FBXL7: variants seen among roughly 807,000 people sequenced by gnomAD.
The protein encoded by FBXL7 is F-box/LRR-repeat protein 7.
A neutral mutation model predicts 38.3 loss-of-function variants in FBXL7; 12 were observed. The ratio of observed to expected loss-of-function variants is 0.31; its 90% confidence interval spans 0.20 to 0.51. The LOEUF is 0.51. Ranked by LOEUF, FBXL7 falls within the 20% of genes least tolerant of loss-of-function variation. FBXL7 has a pLI of 0.98. For synonymous variants in FBXL7, 297 were observed against 300.9 expected (o/e 0.99, Z 0.13); for missense variants, 567 against 676.4 (o/e 0.84, Z 1.79).
At chr5:15,699,790 T>C (rs1421252911) in intron 2 of FBXL7, among the ~76,000 whole-genome samples, 5 of 152,204 alleles carry the variant, frequency 3.3e-5, no homozygotes, top group Non-Finnish European at 7.3e-5. Context: ...ATGTGTATTA[T>C]CCTTCGGTAG....
intron 2 of FBXL7, among the ~76,000 whole-genome samples, chr5:15,620,410 T>TG (rs1740595388): frequency 7.6e-6 from 1 of 131,094 alleles, no homozygotes; most frequent in African/African-American, 2.9e-5. Context: ...TTTTTTGTTT[T>TG]TTGTTTTTTT....
intron 1 of FBXL7, among the ~76,000 whole-genome samples, chr5:15,574,161 A>G (rs977025037): frequency 3.3e-5 from 5 of 152,222 alleles, no homozygotes; most frequent in Non-Finnish European, 7.3e-5. Flanking sequence ...ATCTGTAATA[A>G]TATATGTTTT....
At chr5:15,717,812 A>G (rs1268541122) in intron 2 of FBXL7, among the ~76,000 whole-genome samples, 3 of 152,196 alleles carry the variant, frequency 2.0e-5, no homozygotes, top group Admixed American at 1.3e-4. Flanking sequence ...GTCATGAAAG[A>G]TAGAAGAGCC....
rs573233964 is a variant in FBXL7 at position 15,565,347 on chromosome 5, A to G, written c.38-50636A>G. 1.2e-3 allele frequency among the ~76,000 whole-genome samples: 179 copies of G among 152,180 alleles called. 1 individual carries two copies. The highest frequency in any genetic ancestry group is 3.9e-3 in the African/African-American group (161 of 41,552). ...CATCCTCATTCAGCCAAACTAACTCATGGTTGGGTTCTAAGTATTTGTTAA... is the reference window on the plus strand; with the variant it reads ...CATCCTCATTCAGCCAAACTAACTCGTGGTTGGGTTCTAAGTATTTGTTAA... On this transcript the variant is annotated intron_variant, in intron 1 of 3. Transcript: ENST00000504595.
At chr5:15,812,460 C>G (rs550217393) in intron 2 of FBXL7, among the ~76,000 whole-genome samples, 4 of 151,956 alleles carry the variant, frequency 2.6e-5, no homozygotes, top group African/African-American at 9.7e-5. Context: ...ACCTATGAAA[C>G]GAACCTGCGC....
chr5:15,589,157 C>A (rs1002546477), intron 1 of FBXL7, among the ~76,000 whole-genome samples: 1 of 152,162 alleles, frequency 6.6e-6, no homozygotes, highest in African/African-American at 2.4e-5. Context: ...TATTAGTAAG[C>A]AAACCATTTG....
rs559569306 is a variant in FBXL7, at chr5:15,639,883, C to T, written c.127+23811C>T. ...ACAGACAATGCTGGGTTGCTGAGTT[C>T]TATTGTTCTTGCTTCCTTGGCCAGC... On this transcript the variant is annotated intron_variant, in intron 2 of 3. Transcript: ENST00000504595. 8.5e-5 allele frequency among the ~76,000 whole-genome samples: 13 copies of T among 152,228 alleles called. No homozygotes were observed. In the East Asian group the frequency reaches 1.4e-3, roughly 16 times the overall value.
At chr5:15,830,310 C>G (rs1224321533) in intron 2 of FBXL7, among the ~76,000 whole-genome samples, 2 of 151,992 alleles carry the variant, frequency 1.3e-5, no homozygotes, top group African/African-American at 4.8e-5. Context: ...ATGGTAAAAC[C>G]CCATCTCTAC....
intron 2 of FBXL7, among the ~76,000 whole-genome samples, chr5:15,821,491 G>T (rs923845961): frequency 6.6e-5 from 10 of 152,182 alleles, no homozygotes; most frequent in African/African-American, 2.4e-4. Flanking sequence ...GCTGCTGAAT[G>T]GCAGTTGGAT....
intron 1 of FBXL7, chr5:15,607,494 T>G (rs916249036): frequency 6.6e-6 from 1 of 152,176 alleles, no homozygotes; most frequent in African/African-American, 2.4e-5. Context: ...TCTTGAGCAC[T>G]AGAAATGAGA....
At chr5:15,901,693 G>A (rs1050420354) in intron 2 of FBXL7, among the ~76,000 whole-genome samples, 3 of 152,154 alleles carry the variant, frequency 2.0e-5, no homozygotes, top group East Asian at 3.9e-4. Context: ...TGAGTAGGAC[G>A]AAGACCTGGA....
chr5:15,669,542 T>C (rs1365605720), intron 2 of FBXL7, among the ~76,000 whole-genome samples: 1 of 152,236 alleles, frequency 6.6e-6, no homozygotes, highest in South Asian at 2.1e-4. Context: ...CAAAACTCTC[T>C]TAGAACTACA....
chr5:15,638,481 A>G (rs1384672596), intron 2 of FBXL7, among the ~76,000 whole-genome samples: 1 of 152,156 alleles, frequency 6.6e-6, no homozygotes, highest in Non-Finnish European at 1.5e-5. Flanking sequence ...ATCGGTATTT[A>G]AATATAACTT....
chr5:15,760,529 T>C (rs1736414392), intron 2 of FBXL7, among the ~76,000 whole-genome samples: 1 of 152,132 alleles, frequency 6.6e-6, no homozygotes, highest in Non-Finnish European at 1.5e-5. Context: ...AGGCTCATCA[T>C]TGCCTAACAC....
intron 1 of FBXL7, among the ~76,000 whole-genome samples, chr5:15,592,018 A>T (rs1198676647): frequency 1.3e-5 from 2 of 152,092 alleles, no homozygotes; most frequent in African/African-American, 4.8e-5. Context: ...GGTTGGCCAC[A>T]TCTTTAGCCA....
chr5:15,901,848 G>A (rs1254064928), intron 2 of FBXL7, among the ~76,000 whole-genome samples: 3 of 152,126 alleles, frequency 2.0e-5, no homozygotes, highest in Non-Finnish European at 2.9e-5. Flanking sequence ...ATGTTGTATA[G>A]GTTTATTTTT....
intron 3 of FBXL7, among the ~76,000 whole-genome samples, chr5:15,932,758 A>G (rs560557735): frequency 6.6e-6 from 1 of 152,256 alleles, no homozygotes; most frequent in Admixed American, 6.5e-5. Flanking sequence ...CTCCACATCT[A>G]TGCATCCAAA....
At chr5:15,654,990 A>G (rs1220750737) in intron 2 of FBXL7, among the ~76,000 whole-genome samples, 1 of 152,192 alleles carries the variant, frequency 6.6e-6, no homozygotes, top group Admixed American at 6.5e-5. Flanking sequence ...CATGAATCTT[A>G]TGCTAAATGG....
At chr5:15,804,827 C>T (rs1215447608) in intron 2 of FBXL7, among the ~76,000 whole-genome samples, 2 of 152,116 alleles carry the variant, frequency 1.3e-5, no homozygotes, top group African/African-American at 4.8e-5. Context: ...TGTTTCATCC[C>T]CAAACCATCC....
Sources: allele counts gnomAD v4.1 joint callset (sites outside exome capture counted in the v4.1 genomes callset), GRCh38; gene constraint gnomAD v4.1.1; transcripts MANE v1.5; gene names NCBI Gene and HGNC (gene_info 2026-07-23, HGNC 2026-07-21).